SETD3: variants seen among roughly 807,000 people sequenced by gnomAD.
SETD3 encodes the protein SET domain containing 3, actin N3(tau)-histidine methyltransferase.
A neutral mutation model predicts 63.0 loss-of-function variants in SETD3; 19 were observed. The ratio of observed to expected loss-of-function variants is 0.30; its 90% CI spans 0.21 to 0.44. SETD3 has a LOEUF of 0.44. Ranked by LOEUF, SETD3 falls within the 20% of genes least tolerant of loss-of-function variation. The pLI is 1.00. For missense variants in SETD3, 587 were observed against 728.5 expected (o/e 0.81, Z 2.24); for synonymous variants, 286 against 264.1 (o/e 1.08, Z -0.80).
intron 6 of SETD3, among the ~76,000 whole-genome samples, chr14:99,437,010 C>T (rs1447410352): frequency 6.6e-6 from 1 of 152,106 alleles, no homozygotes; most frequent in Non-Finnish European, 1.5e-5. Context: ...CAGCACAGTA[C>T]CGTGGATAGA....
At chr14:99,432,969 T>A (rs1387692694) in intron 6 of SETD3, among the ~76,000 whole-genome samples, 1 of 152,138 alleles carries the variant, frequency 6.6e-6, no homozygotes, top group Non-Finnish European at 1.5e-5. Flanking sequence ...ACTGATAAAT[T>A]AGACTTTGTT....
intron 6 of SETD3, among the ~76,000 whole-genome samples, chr14:99,433,992 T>C (rs1341331857): frequency 6.6e-6 from 1 of 152,170 alleles, no homozygotes; most frequent in Non-Finnish European, 1.5e-5. Flanking sequence ...AGAGAACGGT[T>C]TATCAACATC....
upstream of SETD3, chr14:99,481,621 A>T: frequency 2.6e-6 from 1 of 389,676 alleles, no homozygotes; most frequent in Non-Finnish European, 4.5e-6. Context: ...TCCGGTACAC[A>T]TTGAACTTTG....
At chr14:99,462,787 G>A (rs1895143873) in intron 3 of SETD3, among the ~76,000 whole-genome samples, 1 of 152,176 alleles carries the variant, frequency 6.6e-6, no homozygotes, top group African/African-American at 2.4e-5. Flanking sequence ...ACTACTTAAA[G>A]AGAGCAAATA....
chr14:99,474,619 T>G (rs527304158), intron 1 of SETD3, among the ~76,000 whole-genome samples: 11 of 151,944 alleles, frequency 7.2e-5, no homozygotes, highest in Non-Finnish European at 1.5e-4. Flanking sequence ...AATCCCAGCA[T>G]TTTGGGAGGC....
intron 2 of SETD3, among the ~76,000 whole-genome samples, chr14:99,464,436 T>C (rs1895253354): frequency 6.6e-6 from 1 of 152,134 alleles, no homozygotes; most frequent in African/African-American, 2.4e-5. Flanking sequence ...TCTCCAACAA[T>C]AAGCACTCAC....
At position 99,461,604 on chromosome 14, in the gene SETD3, T is replaced by C. The variant is rs565176453; in HGVS notation, c.197-264A>G. 5.3e-5 allele frequency among the ~76,000 whole-genome samples: 8 copies of C among 152,364 alleles called. No individual in the cohort carries two copies. The East Asian group carries it at 1.5e-3, about 29-fold the overall frequency. ...AATATAAATATTGACTATTAGGTAC[T>C]ATTAGGTAATACGATGGCAAAGGGC... On this transcript the variant is annotated intron_variant, in intron 3 of 12. Coordinates refer to ENST00000331768, the MANE Select transcript of SETD3 (RefSeq NM_032233.3).
At chr14:99,411,394 T>C (rs906264693) in intron 8 of SETD3, 4 of 152,208 alleles carry the variant, frequency 2.6e-5, no homozygotes, top group African/African-American at 9.7e-5. Context: ...AATGTGCAGA[T>C]GAGTGTGTGA....
chr14:99,473,959 G>T (rs767263581), intron 1 of SETD3, among the ~76,000 whole-genome samples: 2 of 152,152 alleles, frequency 1.3e-5, no homozygotes, highest in Non-Finnish European at 2.9e-5. Flanking sequence ...TAGTAGCAGC[G>T]CCATGCCATA....
chr14:99,411,423 C>CT (rs1296951824), intron 8 of SETD3: 1 of 152,132 alleles, frequency 6.6e-6, no homozygotes, highest in African/African-American at 2.4e-5. Context: ...TGGATGGAAG[C>CT]TTCGCTAGGG....
In SETD3 at chr14:99,461,230, C is replaced by G. The variant is rs754660934; in HGVS notation, c.307G>C (p.Glu103Gln). The G allele has an allele frequency of 1.1e-5, 17 of 1,614,084 alleles. No individual in the cohort carries two copies. In the East Asian group the frequency reaches 3.3e-4, roughly 32 times the overall value. Residue 103 changes from glutamate (E) to glutamine (Q), a missense_variant, in exon 4 of 13, where the codon GAA becomes CAA. Transcript: ENST00000331768. ...VEGFEMVNFK[E>Q]EGFGLRATRD... Reference sequence around the variant, plus strand: ...GTTGCTCTCAAACCAAAGCCCTCTTCTTTGAAGTTAACCATTTCAAAACCC... The same window carrying G: ...GTTGCTCTCAAACCAAAGCCCTCTTGTTTGAAGTTAACCATTTCAAAACCC...
chr14:99,473,835 T>C (rs1211190794), intron 1 of SETD3, among the ~76,000 whole-genome samples: 1 of 152,158 alleles, frequency 6.6e-6, no homozygotes, highest in Non-Finnish European at 1.5e-5. Flanking sequence ...CTGAAAAGGA[T>C]TTAATTGTAC....
intron 11 of SETD3, among the ~76,000 whole-genome samples, chr14:99,403,754 A>C (rs933547893): frequency 6.6e-6 from 1 of 152,212 alleles, no homozygotes; most frequent in Admixed American, 6.5e-5. Flanking sequence ...GCTTGGCATT[A>C]AAATGCTTGC....
At chr14:99,477,857 A>G (rs768975724) in intron 1 of SETD3, among the ~76,000 whole-genome samples, 4 of 151,908 alleles carry the variant, frequency 2.6e-5, no homozygotes, top group Non-Finnish European at 4.4e-5. Context: ...TATTATGTAA[A>G]TTAATTCTAT....
chr14:99,467,276 C>A (rs1213569279), intron 1 of SETD3, among the ~76,000 whole-genome samples: 1 of 152,140 alleles, frequency 6.6e-6, no homozygotes, highest in African/African-American at 2.4e-5. Flanking sequence ...AAAACTTTTG[C>A]AGCAATACAA....
At chr14:99,458,062 T>C (rs1213335565) in intron 6 of SETD3, among the ~76,000 whole-genome samples, 1 of 152,216 alleles carries the variant, frequency 6.6e-6, no homozygotes. Context: ...CTGCTTGTAT[T>C]AACACTGGGC....
At chr14:99,472,827 G>C (rs960704673) in intron 1 of SETD3, among the ~76,000 whole-genome samples, 8 of 151,854 alleles carry the variant, frequency 5.3e-5, no homozygotes, top group Admixed American at 2.0e-4. Context: ...CAGGAAAATA[G>C]GACCAAAAAA....
At position 99,413,155 on chromosome 14, in the gene SETD3, T is replaced by G. The variant is rs1361660597; in HGVS notation, c.735-90A>C. On this transcript the variant is annotated intron_variant, in intron 7 of 12. Coordinates refer to ENST00000331768, the MANE Select transcript of SETD3 (RefSeq NM_032233.3). Reference sequence around the variant, plus strand: ...CATAACCAAAAATTTAGGTTTGATCTCTTACAAACGTACAAAGTCTTTTCC... The same window carrying G: ...CATAACCAAAAATTTAGGTTTGATCGCTTACAAACGTACAAAGTCTTTTCC... 5.8e-6 allele frequency: 4 copies of G among 695,536 alleles called. No individual in the cohort carries two copies. In the African/African-American group the frequency reaches 7.2e-5, roughly 13 times the overall value. 43.1% of individuals were successfully genotyped at this position (695,536 alleles called of 1,614,324 possible).
rs34814044 is a variant in SETD3 at position 99,398,655 on chromosome 14, T to TC, written c.*23dup. On this transcript the variant is annotated 3_prime_UTR_variant, in exon 13 of 13. Coordinates refer to ENST00000331768, the MANE Select transcript of SETD3 (RefSeq NM_032233.3). ...GTCCGTCAACTCCTGCTCCACTGGA[T>TC]CCCCCATCCAGCTTCACCTCGAGCT... The TC allele has an allele frequency of 6.2e-7, 1 of 1,601,884 alleles. No homozygotes were observed. Among genetic ancestry groups the TC allele is most frequent in the African/African-American group, 1.3e-5 (1 of 74,656 alleles).
Sources: gnomAD v4.1 joint callset for allele counts (sites outside exome capture counted in the v4.1 genomes callset) on GRCh38, gnomAD v4.1.1 for gene constraint, MANE v1.5 for transcripts, NCBI Gene and HGNC (gene_info 2026-07-23, HGNC 2026-07-21) for gene names.